Variants in POU6F2 observed in about 807,000 individuals in gnomAD.
POU6F2 encodes POU class 6 homeobox 2.
In POU6F2, 31 loss-of-function variants were observed where a neutral mutation model predicts 71.3. That is an observed-to-expected ratio of 0.43 (90% CI 0.33 to 0.59). The LOEUF is 0.59. Ranked by LOEUF, POU6F2 falls within the 20% of genes least tolerant of loss-of-function variation. The probability of loss-of-function intolerance (pLI) is 0.04; values close to 1 mark genes in which losing one functional copy is unlikely to be tolerated. For synonymous variants in POU6F2, 347 were observed against 355.7 expected (o/e 0.98, Z 0.27); for missense variants, 783 against 856.8 (o/e 0.91, Z 1.07).
intron 2 of POU6F2, among the ~76,000 whole-genome samples, chr7:39,191,494 G>C (rs1447428415): frequency 1.3e-5 from 2 of 150,220 alleles, no homozygotes; most frequent in Non-Finnish European, 3.0e-5. Context: ...GTTATAATCA[G>C]AGTCCAAGTC....
intron 2 of POU6F2, among the ~76,000 whole-genome samples, chr7:39,144,238 A>G (rs1792566900): frequency 6.6e-6 from 1 of 152,214 alleles, no homozygotes; most frequent in Non-Finnish European, 1.5e-5. Flanking sequence ...ACTTATGATA[A>G]GAAGTATTGA....
chr7:39,245,985 T>G (rs1282912545), intron 4 of POU6F2, among the ~76,000 whole-genome samples: 4 of 152,226 alleles, frequency 2.6e-5, no homozygotes, highest in South Asian at 4.1e-4. Context: ...TTAGCTACTT[T>G]GCTTTCCTCT....
chr7:39,115,224 A>G (rs1791905431), intron 2 of POU6F2, among the ~76,000 whole-genome samples: 3 of 152,138 alleles, frequency 2.0e-5, no homozygotes, highest in Admixed American at 1.3e-4. Context: ...TCTTCCAGTG[A>G]TTGTGTGGAG....
intron 1 of POU6F2, among the ~76,000 whole-genome samples, chr7:39,063,762 C>T (rs1394304655): frequency 6.9e-6 from 1 of 144,598 alleles, no homozygotes; most frequent in African/African-American, 2.5e-5. Context: ...ATTTTATAAA[C>T]ATGAAGCAAG....
chr7:39,087,164 ATTTATTTATTTATTT>A (rs1562700991), intron 2 of POU6F2, among the ~76,000 whole-genome samples: 2,052 of 114,366 alleles, frequency 0.018, 49 homozygotes, highest in African/African-American at 0.058. Flanking sequence ...TAATTAATTT[ATTTATTTATTTATTT>A]ATTTATTTAT....
intron 4 of POU6F2, among the ~76,000 whole-genome samples, chr7:39,299,074 G>C (rs1784905047): frequency 6.6e-6 from 1 of 152,086 alleles, no homozygotes; most frequent in South Asian, 2.1e-4. Context: ...TTAAAACCTA[G>C]ATGATGGGTT....
intron 7 of POU6F2, among the ~76,000 whole-genome samples, chr7:39,435,054 T>C (rs953686784): frequency 1.3e-5 from 2 of 152,230 alleles, no homozygotes; most frequent in Non-Finnish European, 2.9e-5. Context: ...TTGGGTTGGT[T>C]CCACGTCTTT....
intron 4 of POU6F2, among the ~76,000 whole-genome samples, chr7:39,310,658 AC>A (rs1319365176): frequency 6.6e-6 from 1 of 152,262 alleles, no homozygotes; most frequent in African/African-American, 2.4e-5. Context: ...AGTACAACAT[AC>A]TAGTTTTGTT....
At chr7:39,286,819 G>A (rs1203892254) in intron 4 of POU6F2, among the ~76,000 whole-genome samples, 1 of 152,144 alleles carries the variant, frequency 6.6e-6, no homozygotes, top group Non-Finnish European at 1.5e-5. Context: ...CTGGAGTACA[G>A]TGGTATGATC....
At chr7:39,327,062 G>T (rs532685131) in intron 4 of POU6F2, among the ~76,000 whole-genome samples, 2 of 152,188 alleles carry the variant, frequency 1.3e-5, no homozygotes, top group South Asian at 4.2e-4. Flanking sequence ...GGCGTATCAC[G>T]AGGTCAGGAG....
At chr7:39,365,125 AT>A (rs1786472208) in intron 5 of POU6F2, among the ~76,000 whole-genome samples, 1 of 152,142 alleles carries the variant, frequency 6.6e-6, no homozygotes, top group African/African-American at 2.4e-5. Flanking sequence ...ACATTACCTG[AT>A]TTCAAACTCT....
intron 2 of POU6F2, among the ~76,000 whole-genome samples, chr7:39,196,160 T>TGTG (rs199757604): frequency 2.6e-5 from 4 of 152,166 alleles, no homozygotes; most frequent in Admixed American, 1.3e-4. Flanking sequence ...GAGAAAAATC[T>TGTG]GTGGTGGTGG....
chr7:39,122,650 C>T (rs73124428), intron 2 of POU6F2, among the ~76,000 whole-genome samples: 12 of 150,410 alleles, frequency 8.0e-5, no homozygotes, highest in African/African-American at 2.4e-4. Flanking sequence ...TACCTGCTTG[C>T]TTATTGGGGT....
intron 6 of POU6F2, among the ~76,000 whole-genome samples, chr7:39,421,604 A>C (rs1040387283): frequency 6.6e-6 from 1 of 152,186 alleles, no homozygotes; most frequent in African/African-American, 2.4e-5. Flanking sequence ...TCTTAAAGCA[A>C]TTGCCAAACA....
At chr7:39,419,272 T>A (rs1002747381) in intron 6 of POU6F2, among the ~76,000 whole-genome samples, 1 of 151,760 alleles carries the variant, frequency 6.6e-6, no homozygotes, top group African/African-American at 2.4e-5. Context: ...TGAATCTCAC[T>A]CTGTCGCCCA....
chr7:39,075,552 A>G (rs781504357), intron 1 of POU6F2, among the ~76,000 whole-genome samples: 25 of 152,370 alleles, frequency 1.6e-4, no homozygotes, highest in Non-Finnish European at 2.6e-4. Flanking sequence ...ATTCATTTAA[A>G]TAAATCTCTT....
At chr7:38,992,429 C>A (rs1788628899) in intron 1 of POU6F2, among the ~76,000 whole-genome samples, 1 of 152,182 alleles carries the variant, frequency 6.6e-6, no homozygotes, top group African/African-American at 2.4e-5. Flanking sequence ...GCAGCCACCA[C>A]CATGGTATCC....
chr7:39,346,883 G>T (rs1182716739), intron 5 of POU6F2, among the ~76,000 whole-genome samples: 1 of 152,158 alleles, frequency 6.6e-6, no homozygotes, highest in African/African-American at 2.4e-5. Context: ...TATTCTCCAC[G>T]TTGTAAAGAA....
At chr7:39,342,088 A>C (rs1333687805) in intron 5 of POU6F2, among the ~76,000 whole-genome samples, 1 of 152,204 alleles carries the variant, frequency 6.6e-6, no homozygotes, top group Non-Finnish European at 1.5e-5. Flanking sequence ...GAGTACATTT[A>C]AATATAGAGG....
Sources: gnomAD v4.1 joint callset for allele counts (sites outside exome capture counted in the v4.1 genomes callset) on GRCh38, gnomAD v4.1.1 for gene constraint, MANE v1.5 for transcripts, NCBI Gene and HGNC (gene_info 2026-07-23, HGNC 2026-07-21) for gene names.